RUBCN: variants seen among roughly 807,000 people sequenced by gnomAD.
The protein encoded by RUBCN is run domain Beclin-1-interacting and cysteine-rich domain-containing protein.
In RUBCN, 74 loss-of-function variants were observed where a neutral mutation model predicts 113.2. The ratio of observed to expected loss-of-function variants is 0.65; its 90% CI spans 0.54 to 0.79. The LOEUF (loss-of-function observed/expected upper bound fraction) is 0.79. Ranked by LOEUF, RUBCN falls within the 30% of genes least tolerant of loss-of-function variation. The probability of loss-of-function intolerance (pLI) is 0.00; values close to 1 mark genes in which losing one functional copy is unlikely to be tolerated. For synonymous variants in RUBCN, 480 were observed against 490.0 expected (o/e 0.98, Z 0.27); for missense variants, 1,109 against 1,251.7 (o/e 0.89, Z 1.72).
Position 197,674,038 on chromosome 3 carries a change from C to T in RUBCN, c.*980G>A, listed in dbSNP as rs1720057002. 2 of 152,240 alleles carry T rather than the reference C, an allele frequency of 1.3e-5. No individual in the cohort carries two copies. Among genetic ancestry groups the T allele is most frequent in the Non-Finnish European group, 2.9e-5 (2 of 68,132 alleles). 9.4% of individuals were successfully genotyped at this position (152,240 alleles called of 1,614,324 possible). ...GTACTTTTACTCAGAAGCACAACGA[C>T]CATCTAACAGAGGACAGAGTCATCA... is the stretch of plus-strand genomic sequence containing the variant. On this transcript the variant is annotated 3_prime_UTR_variant, in exon 20 of 20. Coordinates refer to ENST00000296343, the MANE Select transcript of RUBCN (RefSeq NM_014687.4).
At chr3:197,707,489 T>C (rs920919754) in intron 2 of RUBCN, among the ~76,000 whole-genome samples, 3 of 152,130 alleles carry the variant, frequency 2.0e-5, no homozygotes, top group Non-Finnish European at 2.9e-5. Context: ...TGGCTAGAAG[T>C]AGACCAATTT....
rs144772735 is a variant in RUBCN, at chr3:197,704,749, G to A, written c.304-48C>T. Reference sequence around the variant, plus strand: ...TCAAAACACACATCCTGGTAGATACGGCAAGATTGAGGCCTAATGACCTGA... The same window carrying A: ...TCAAAACACACATCCTGGTAGATACAGCAAGATTGAGGCCTAATGACCTGA... On this transcript the variant is annotated intron_variant, in intron 3 of 19. Transcript: ENST00000296343. 769 of 1,594,714 alleles carry A rather than the reference G, an allele frequency of 4.8e-4. 5 individuals carry two copies. The East Asian group carries it at 0.016, about 32-fold the overall frequency.
intron 1 of RUBCN, among the ~76,000 whole-genome samples, chr3:197,733,686 A>G (rs1488996552): frequency 6.6e-6 from 1 of 152,216 alleles, no homozygotes. Context: ...TCATTAAACA[A>G]CGCATTCTGA....
At chr3:197,740,549 G>GC (rs1373289927), upstream of RUBCN, among the ~76,000 whole-genome samples, 1 of 152,146 alleles carries the variant, frequency 6.6e-6, no homozygotes, top group East Asian at 1.9e-4. Context: ...TAATAGTACA[G>GC]CATCAATGTT....
At chr3:197,728,837 G>A (rs1480397178) in intron 1 of RUBCN, among the ~76,000 whole-genome samples, 1 of 152,156 alleles carries the variant, frequency 6.6e-6, no homozygotes, top group East Asian at 1.9e-4. Flanking sequence ...TTTAAGGGAC[G>A]ACTAAGAGCT....
chr3:197,746,814 A>C (rs1326648725), intron 1 of RUBCN, among the ~76,000 whole-genome samples: 1 of 152,170 alleles, frequency 6.6e-6, no homozygotes. Context: ...ACTGCTGTAC[A>C]CCAACAAAGG....
chr3:197,702,594 C>T (rs1024077880), intron 5 of RUBCN, among the ~76,000 whole-genome samples: 44 of 152,196 alleles, frequency 2.9e-4, no homozygotes, highest in African/African-American at 1.0e-3. Flanking sequence ...ACCCGGGAGG[C>T]GGAGGCTGCA....
intron 16 of RUBCN, among the ~76,000 whole-genome samples, chr3:197,677,891 C>A (rs1487706986): frequency 2.7e-5 from 4 of 148,784 alleles, no homozygotes; most frequent in Admixed American, 2.7e-4. Flanking sequence ...TAACTCGACA[C>A]CTGGCTTCAG....
At chr3:197,689,867 T>C (rs1221868050) in intron 11 of RUBCN, among the ~76,000 whole-genome samples, 1 of 152,186 alleles carries the variant, frequency 6.6e-6, no homozygotes, top group Non-Finnish European at 1.5e-5. Flanking sequence ...ATATGTCAAC[T>C]ACAGCCACGC....
At chr3:197,680,713 G>A (rs1054873965) in intron 16 of RUBCN, among the ~76,000 whole-genome samples, 6 of 152,138 alleles carry the variant, frequency 3.9e-5, no homozygotes, top group Non-Finnish European at 7.3e-5. Context: ...GGAGTGCTCC[G>A]AAATTCCAAT....
chr3:197,703,387 G>C (rs1283272344), intron 5 of RUBCN, among the ~76,000 whole-genome samples, 161 bp downstream of exon 5: 1 of 98,618 alleles, frequency 1.0e-5, no homozygotes, highest in African/African-American at 4.0e-5. Flanking sequence ...AACAGAGCGA[G>C]ACTCTGTCTC....
In RUBCN at chr3:197,672,498, CG is replaced by C. The variant is rs1345538945; in HGVS notation, c.*2519del. 6.6e-6 allele frequency: 1 copy of C among 152,126 alleles called. No homozygotes were observed. The highest frequency in any genetic ancestry group is 6.5e-5 in the Admixed American group (1 of 15,274). 9.4% of individuals were successfully genotyped at this position (152,126 alleles called of 1,614,324 possible). ...TGTCAGAGTCACTAAAACAGACGCA[CG>C]ATCTAAAGGGATGGGGTGCGGTTGA... On this transcript the variant is annotated 3_prime_UTR_variant, in exon 20 of 20. Coordinates refer to ENST00000296343, the MANE Select transcript of RUBCN (RefSeq NM_014687.4).
upstream of RUBCN, among the ~76,000 whole-genome samples, chr3:197,740,266 G>A (rs372150838): frequency 4.7e-5 from 7 of 149,106 alleles, no homozygotes; most frequent in Non-Finnish European, 7.4e-5. Context: ...ATGGAGTCTC[G>A]CTCTGTCACT....
At chr3:197,728,770 T>C (rs1727047346) in intron 1 of RUBCN, among the ~76,000 whole-genome samples, 1 of 152,168 alleles carries the variant, frequency 6.6e-6, no homozygotes, top group Non-Finnish European at 1.5e-5. Flanking sequence ...AACCATGCTA[T>C]GAAGGGAGAT....
At chr3:197,685,889 T>C (rs1472722346) in intron 11 of RUBCN, among the ~76,000 whole-genome samples, 2 of 152,236 alleles carry the variant, frequency 1.3e-5, no homozygotes, top group Non-Finnish European at 2.9e-5. Context: ...TTGCAACATT[T>C]ATTTGGGTAA....
intron 1 of RUBCN, among the ~76,000 whole-genome samples, chr3:197,743,306 C>T (rs1728603397): frequency 6.6e-6 from 1 of 151,386 alleles, no homozygotes; most frequent in South Asian, 2.1e-4. Context: ...TGCGGTATCC[C>T]CAGCCTCTAG....
intron 5 of RUBCN, 129 bp from the exon 6 acceptor site, chr3:197,701,993 C>A (rs1422257633): frequency 1.2e-6 from 1 of 800,620 alleles, no homozygotes. Context: ...TTAGCCAGAG[C>A]CTGTAGATAC....
chr3:197,746,119 T>C (rs1728734991), intron 1 of RUBCN, among the ~76,000 whole-genome samples: 2 of 152,200 alleles, frequency 1.3e-5, no homozygotes, highest in Admixed American at 6.5e-5. Flanking sequence ...TAAACCTGAA[T>C]TTCAGTTAAA....
At position 197,704,527 on chromosome 3, in the gene RUBCN, G is replaced by C; in HGVS notation, c.463+15C>G. 1 of 1,613,050 alleles carries C rather than the reference G, an allele frequency of 6.2e-7. No homozygotes were observed. Among genetic ancestry groups the C allele is most frequent in the South Asian group, 1.1e-5 (1 of 91,008 alleles). ...GAGGAAGCACAGATGACAGTCCTAA[G>C]TGGCCTCTACCTACCTGTGTAGAAT... On this transcript the variant is annotated intron_variant, in intron 4 of 19. Transcript: ENST00000296343.
Sources: allele counts gnomAD v4.1 joint callset (sites outside exome capture counted in the v4.1 genomes callset), GRCh38; gene constraint gnomAD v4.1.1; transcripts MANE v1.5; gene names NCBI Gene and HGNC (gene_info 2026-07-23, HGNC 2026-07-21).